The following SNRPC variants were observed in gnomAD, a reference collection of about 807,000 sequenced individuals.
SNRPC encodes the protein small nuclear ribonucleoprotein polypeptide C.
SNRPC carries 5 observed loss-of-function variants against 20.0 expected under a neutral mutation model. That is an observed-to-expected ratio of 0.25 (90% confidence interval 0.13 to 0.53). The LOEUF (loss-of-function observed/expected upper bound fraction) is 0.53, where lower values mean the gene tolerates loss of function less well. Among genes scored for constraint, SNRPC ranks in the 20% least tolerant of loss-of-function variants. The pLI, the probability that SNRPC is intolerant of heterozygous loss-of-function variation, is 0.96. For synonymous variants in SNRPC, 61 were observed against 58.7 expected (o/e 1.04, Z -0.18); for missense variants, 112 against 224.1 (o/e 0.50, Z 3.19).
chr6:34,758,134 C>T (rs945422014), intron 2 of SNRPC, among the ~76,000 whole-genome samples, 180 bp downstream of exon 2: 1 of 152,046 alleles, frequency 6.6e-6, no homozygotes, highest in African/African-American at 2.4e-5. Flanking sequence ...TTAAAAACTG[C>T]TTAACAAGTC....
chr6:34,762,023 T>C (rs900516090), intron 2 of SNRPC, among the ~76,000 whole-genome samples: 2 of 152,102 alleles, frequency 1.3e-5, no homozygotes, highest in African/African-American at 2.4e-5. Context: ...ATAAATGTGC[T>C]GGGCTCTGTG....
chr6:34,772,528 A>G (rs1764703927), intron 5 of SNRPC, among the ~76,000 whole-genome samples: 1 of 152,214 alleles, frequency 6.6e-6, no homozygotes. Flanking sequence ...GTGTTTCACC[A>G]TTTGTGATAA....
chr6:34,768,068 A>C, intron 4 of SNRPC, 71 bp downstream of exon 4: 621 of 1,387,868 alleles, frequency 4.5e-4, no homozygotes, highest in Non-Finnish European at 5.7e-4. Context: ...AGATTATCTC[A>C]CCGTTGGCTT....
chr6:34,764,558 G>A (rs1174398417), intron 3 of SNRPC, among the ~76,000 whole-genome samples: 1 of 152,124 alleles, frequency 6.6e-6, no homozygotes. Context: ...AGCTACTTGG[G>A]AGACTGAGGC....
Position 34,773,323 on chromosome 6 carries a change from C to G in SNRPC, c.356-123C>G, listed in dbSNP as rs1764711938. On this transcript the variant is annotated intron_variant, in intron 5 of 5. Coordinates refer to ENST00000244520, the MANE Select transcript of SNRPC (RefSeq NM_003093.3). The surrounding 1 kb of genome is among the most constrained non-coding windows in gnomAD (Gnocchi z 4.1). ...GTTGCATTTCTTCTGTCACGTGTGTCTTTTTTCCAGCATTTTGCAAGGGGG... is the reference window on the plus strand; with the variant it reads ...GTTGCATTTCTTCTGTCACGTGTGTGTTTTTTCCAGCATTTTGCAAGGGGG... The G allele has an allele frequency of 2.6e-6, 2 of 773,994 alleles. No individual in the cohort carries two copies. Among genetic ancestry groups the G allele is most frequent in the Non-Finnish European group, 4.1e-6 (2 of 491,644 alleles). 47.9% of individuals were successfully genotyped at this position (773,994 alleles called of 1,614,324 possible).
At chr6:34,769,229 C>CTTTTTTTTT (rs11408407) in intron 4 of SNRPC, among the ~76,000 whole-genome samples, 2 of 129,136 alleles carry the variant, frequency 1.5e-5, no homozygotes, top group African/African-American at 3.0e-5. Context: ...TTCTTTCTTT[C>CTTTTTTTTT]TTTTTTTTTT....
intron 4 of SNRPC, among the ~76,000 whole-genome samples, chr6:34,769,574 C>G (rs1294526918): frequency 6.6e-6 from 1 of 152,106 alleles, no homozygotes; most frequent in Non-Finnish European, 1.5e-5. Context: ...GCATATAAGT[C>G]TTTGCATTTT....
intron 2 of SNRPC, among the ~76,000 whole-genome samples, chr6:34,759,019 CAAAAAAAAAAAA>C (rs755576537): frequency 8.1e-5 from 2 of 24,644 alleles, no homozygotes; most frequent in Admixed American, 5.3e-4. Flanking sequence ...GACTCCGTCT[CAAAAAAAAAAAA>C]AAAAAAAAAA....
At chr6:34,759,456 C>T (rs1047084803) in intron 2 of SNRPC, among the ~76,000 whole-genome samples, 11 of 152,228 alleles carry the variant, frequency 7.2e-5, no homozygotes, top group Non-Finnish European at 1.5e-4. Flanking sequence ...GAAAGAGCAT[C>T]ATATTTTGGC....
intron 3 of SNRPC, among the ~76,000 whole-genome samples, chr6:34,763,151 A>C (rs1764559150): frequency 1.3e-5 from 2 of 152,312 alleles, no homozygotes; most frequent in East Asian, 3.9e-4. Flanking sequence ...TACTAGTCAA[A>C]AAGAGACTAC....
At chr6:34,764,545 C>A (rs965600512) in intron 3 of SNRPC, among the ~76,000 whole-genome samples, 1 of 151,966 alleles carries the variant, frequency 6.6e-6, no homozygotes, top group Non-Finnish European at 1.5e-5. Flanking sequence ...TGCCTGTAGC[C>A]CCAGCTACTT....
chr6:34,758,841 C>T (rs932393990), intron 2 of SNRPC, among the ~76,000 whole-genome samples: 1 of 151,416 alleles, frequency 6.6e-6, no homozygotes, highest in East Asian at 2.0e-4. Context: ...GGTGAAACCC[C>T]GTCTCTACTA....
intron 3 of SNRPC, among the ~76,000 whole-genome samples, chr6:34,765,318 G>C (rs112916409): frequency 6.6e-6 from 1 of 152,260 alleles, no homozygotes; most frequent in South Asian, 2.1e-4. Flanking sequence ...GTTTCTGGCC[G>C]AGACAGCCAC....
At chr6:34,768,462 A>T (rs1417764219) in intron 4 of SNRPC, among the ~76,000 whole-genome samples, 1 of 152,152 alleles carries the variant, frequency 6.6e-6, no homozygotes, top group East Asian at 1.9e-4. Context: ...TTAGAAAGAT[A>T]AGAATTAGGC....
rs190490047 is a variant in SNRPC at position 34,769,180 on chromosome 6, A to G, written c.251-1111A>G. Among the ~76,000 whole-genome samples the G allele has an allele frequency of 2.1e-4, 32 of 151,450 alleles. No individual in the cohort carries two copies. The East Asian group carries it at 5.4e-3, about 26-fold the overall frequency. On this transcript the variant is annotated intron_variant, in intron 4 of 5. Coordinates refer to ENST00000244520, the MANE Select transcript of SNRPC (RefSeq NM_003093.3). Reference sequence around the variant, plus strand: ...ACTCCATTATTTTTGATAGCGGAATAGTCTATGGTATGAATTTACCATAAT... The same window carrying G: ...ACTCCATTATTTTTGATAGCGGAATGGTCTATGGTATGAATTTACCATAAT...
At chr6:34,763,093 A>G (rs555367136) in intron 3 of SNRPC, among the ~76,000 whole-genome samples, 11 of 152,216 alleles carry the variant, frequency 7.2e-5, no homozygotes, top group African/African-American at 2.6e-4. Flanking sequence ...GTTTTCCCCA[A>G]ATAGTTTGAG....
At chr6:34,760,423 A>T (rs16893989) in intron 2 of SNRPC, among the ~76,000 whole-genome samples, 4,328 of 152,124 alleles carry the variant, frequency 0.028, 184 homozygotes, top group African/African-American at 0.095. Context: ...GCTCTGATAA[A>T]TTGGTATTTT....
chr6:34,764,337 G>A (rs1338925977), intron 3 of SNRPC, among the ~76,000 whole-genome samples: 31 of 152,008 alleles, frequency 2.0e-4, no homozygotes, highest in East Asian at 2.0e-4. Flanking sequence ...TTAGCTGGGC[G>A]TGGTGGTGCA....
chr6:34,771,232 G>T (rs1212738303), intron 5 of SNRPC, among the ~76,000 whole-genome samples: 1 of 151,732 alleles, frequency 6.6e-6, no homozygotes, highest in Non-Finnish European at 1.5e-5. Flanking sequence ...AGGAGGCTGA[G>T]GCAGGAGAAT....
Sources: allele counts gnomAD v4.1 joint callset (sites outside exome capture counted in the v4.1 genomes callset), GRCh38; gene constraint gnomAD v4.1.1; non-coding constraint Gnocchi (gnomAD v3.1); transcripts MANE v1.5; gene names NCBI Gene and HGNC (gene_info 2026-07-23, HGNC 2026-07-21).